Variants in CIMAP2 observed in about 807,000 individuals in gnomAD.
CIMAP2 encodes ciliary microtubule-associated protein 2.
the CIMAP2 span, among the ~76,000 whole-genome samples, chr1:54,833,269 G>A: frequency 6.6e-6 from 1 of 152,124 alleles, no homozygotes; most frequent in Non-Finnish European, 1.5e-5. Context: ...GCTGAGTCCC[G>A]CAGCTGAACA....
chr1:54,829,015 T>C, the CIMAP2 span, among the ~76,000 whole-genome samples: 2 of 152,210 alleles, frequency 1.3e-5, no homozygotes, highest in Non-Finnish European at 2.9e-5. Context: ...TTAAAATGCA[T>C]TGACATATGC....
chr1:54,819,845 TTTCTTTCC>T, the CIMAP2 span, among the ~76,000 whole-genome samples: 1 of 113,822 alleles, frequency 8.8e-6, no homozygotes, highest in African/African-American at 3.3e-5. Context: ...TTTCTCTTTC[TTTCTTTCC>T]TTCCTTCCTT....
At chr1:54,833,016 CA>C in the CIMAP2 span, among the ~76,000 whole-genome samples, 15,484 of 146,866 alleles carry the variant, frequency 0.11, 916 homozygotes, top group Admixed American at 0.13. Context: ...AACCTTGTCT[CA>C]AAAAAAAAAA....
chr1:54,822,141 G>A, the CIMAP2 span, among the ~76,000 whole-genome samples: 1 of 99,536 alleles, frequency 1.0e-5, no homozygotes, highest in Non-Finnish European at 2.3e-5. Context: ...CTCGTGATCC[G>A]CCCGCCTCGG....
chr1:54,840,345 C>T, the CIMAP2 span, among the ~76,000 whole-genome samples: 5 of 152,242 alleles, frequency 3.3e-5, no homozygotes, highest in South Asian at 2.1e-4. Flanking sequence ...AGTTGGATTG[C>T]GTTGTATGGT....
chr1:54,840,538 A>G, the CIMAP2 span, among the ~76,000 whole-genome samples: 1 of 152,226 alleles, frequency 6.6e-6, no homozygotes, highest in Non-Finnish European at 1.5e-5. Flanking sequence ...GGGTGTGTGT[A>G]TAACTTTGTA....
At chr1:54,827,064 C>G in the CIMAP2 span, among the ~76,000 whole-genome samples, 5 of 152,336 alleles carry the variant, frequency 3.3e-5, no homozygotes, top group South Asian at 1.0e-3. Context: ...AAATGAAACA[C>G]TTTTTGGGTG....
the CIMAP2 span, chr1:54,811,765 G>GCCGGGGGGGGGGGGGCCC: frequency 5.4e-6 from 7 of 1,301,312 alleles, no homozygotes; most frequent in Non-Finnish European, 7.6e-6. Flanking sequence ...GGTTCTGACA[G>GCCGGGGGGGGGGGGGCCC]CCTCCATGCC....
the CIMAP2 span, among the ~76,000 whole-genome samples, chr1:54,833,038 T>C: frequency 6.6e-6 from 1 of 151,832 alleles, no homozygotes; most frequent in Non-Finnish European, 1.5e-5. Flanking sequence ...TTAATAAAAA[T>C]GAATGGAGAC....
At chr1:54,820,153 C>T in the CIMAP2 span, among the ~76,000 whole-genome samples, 1 of 137,982 alleles carries the variant, frequency 7.2e-6, no homozygotes, top group African/African-American at 2.8e-5. Context: ...TTTCTCCCTT[C>T]CTTCCTTCCT....
At chr1:54,807,637 AC>A in the CIMAP2 span, 2 of 1,610,916 alleles carry the variant, frequency 1.2e-6, no homozygotes, top group Non-Finnish European at 1.7e-6. Context: ...CACGCGGCTG[AC>A]CCAGCTACCC....
the CIMAP2 span, among the ~76,000 whole-genome samples, chr1:54,837,871 A>T: frequency 5.3e-5 from 8 of 150,478 alleles, no homozygotes; most frequent in Admixed American, 4.7e-4. Context: ...TCTGTCCCTA[A>T]TCTATACAGA....
the CIMAP2 span, chr1:54,807,506 C>T: frequency 6.7e-7 from 1 of 1,500,390 alleles, no homozygotes; most frequent in East Asian, 2.4e-5. Flanking sequence ...TGTCACAGCT[C>T]TGACCACACT....
chr1:54,812,122 G>A, the CIMAP2 span: 12 of 1,614,172 alleles, frequency 7.4e-6, no homozygotes, highest in East Asian at 8.9e-5. Flanking sequence ...GTCGGCACCC[G>A]CGGCCCCTAT....
chr1:54,839,266 C>G, the CIMAP2 span, among the ~76,000 whole-genome samples: 2 of 152,020 alleles, frequency 1.3e-5, no homozygotes, highest in Admixed American at 1.3e-4. Context: ...GAGAATAAGG[C>G]AGGAGAGGTG....
At chr1:54,822,059 C>T in the CIMAP2 span, among the ~76,000 whole-genome samples, 7 of 138,302 alleles carry the variant, frequency 5.1e-5, 1 homozygote, top group Admixed American at 1.5e-4. Context: ...CCACTACGCC[C>T]GGCTAATTTT....
chr1:54,825,202 C>T, the CIMAP2 span, among the ~76,000 whole-genome samples: 1 of 151,664 alleles, frequency 6.6e-6, no homozygotes, highest in African/African-American at 2.4e-5. Context: ...AGGCACCTGA[C>T]ACCACGCCCA....
the CIMAP2 span, among the ~76,000 whole-genome samples, chr1:54,839,842 C>G: frequency 1.8e-4 from 28 of 152,168 alleles, no homozygotes; most frequent in Non-Finnish European, 3.5e-4. Flanking sequence ...CCTTGACCTT[C>G]TGGGCTCGAG....
the CIMAP2 span, among the ~76,000 whole-genome samples, chr1:54,826,225 T>C: frequency 6.6e-6 from 1 of 152,112 alleles, no homozygotes; most frequent in South Asian, 2.1e-4. Context: ...GTAGTGTTGC[T>C]GTTAGTGGCA....
Sources: allele counts gnomAD v4.1 joint callset (sites outside exome capture counted in the v4.1 genomes callset), GRCh38; gene constraint gnomAD v4.1.1; transcripts MANE v1.5; gene names NCBI Gene and HGNC (gene_info 2026-07-23, HGNC 2026-07-21).